Variants in DCC observed in about 807,000 individuals in gnomAD.
DCC encodes DCC netrin 1 receptor.
Under a neutral mutation model 172.5 loss-of-function variants are expected in DCC, and 58 were observed. That is an observed-to-expected ratio of 0.34 (90% CI 0.27 to 0.42). DCC has a LOEUF of 0.42. Among genes scored for constraint, DCC ranks in the 10% least tolerant of loss-of-function variants. DCC has a pLI of 1.00. For missense variants in DCC, 1,740 were observed against 1,791.0 expected (o/e 0.97, Z 0.51); for synonymous variants, 709 against 644.5 (o/e 1.10, Z -1.52).
intron 1 of DCC, among the ~76,000 whole-genome samples, chr18:52,485,167 C>T (rs2030155480): frequency 6.6e-6 from 1 of 151,998 alleles, no homozygotes; most frequent in Non-Finnish European, 1.5e-5. Context: ...TCGAACTGGA[C>T]TGTGTATGGT....
intron 27 of DCC, among the ~76,000 whole-genome samples, chr18:53,501,096 A>C (rs2046092349): frequency 6.6e-6 from 1 of 152,220 alleles, no homozygotes; most frequent in Non-Finnish European, 1.5e-5. Context: ...CCAAGGAAAC[A>C]GACCTTGAAG....
chr18:53,491,237 G>T (rs2045956270), intron 26 of DCC, among the ~76,000 whole-genome samples: 1 of 151,950 alleles, frequency 6.6e-6, no homozygotes, highest in African/African-American at 2.4e-5. Flanking sequence ...GTAGGATTAG[G>T]AAAAAAGAAA....
intron 13 of DCC, among the ~76,000 whole-genome samples, chr18:53,321,677 C>G (rs1244437423): frequency 1.3e-5 from 2 of 152,144 alleles, no homozygotes; most frequent in Non-Finnish European, 2.9e-5. Context: ...ATGATGGAGA[C>G]ATAAATTTTT....
intron 1 of DCC, among the ~76,000 whole-genome samples, chr18:52,673,722 A>G (rs1182149323): frequency 1.3e-5 from 2 of 152,212 alleles, no homozygotes; most frequent in Non-Finnish European, 1.5e-5. Context: ...AGCCATTGCC[A>G]GGTTTAGATC....
chr18:53,370,421 AT>A (rs1438410631), intron 15 of DCC, among the ~76,000 whole-genome samples: 1 of 151,128 alleles, frequency 6.6e-6, no homozygotes, highest in East Asian at 1.9e-4. Context: ...GACATTCTCC[AT>A]TTTCCTATTC....
rs183550169 is a variant in DCC at position 52,680,363 on chromosome 18, A to C, written c.92-71691A>C. 6.6e-5 allele frequency among the ~76,000 whole-genome samples: 10 copies of C among 152,186 alleles called. No individual in the cohort carries two copies. In the East Asian group the frequency reaches 1.9e-3, roughly 30 times the overall value. On this transcript the variant is annotated intron_variant, in intron 1 of 28. Transcript: ENST00000442544. ...ACTTTCCAGGAGAAGAAGGCCAGTG[A>C]TGTTTGCTGGCTCTGCCAGCTAACC...
chr18:53,049,632 C>T (rs1033306455), intron 5 of DCC, among the ~76,000 whole-genome samples: 5 of 151,978 alleles, frequency 3.3e-5, no homozygotes, highest in Admixed American at 2.0e-4. Flanking sequence ...CCTCCAGCTT[C>T]GTTCTTTCTG....
At chr18:53,330,527 C>T (rs1005374306) in intron 14 of DCC, among the ~76,000 whole-genome samples, 1 of 152,128 alleles carries the variant, frequency 6.6e-6, no homozygotes, top group South Asian at 2.1e-4. Context: ...TTTGCTCTCC[C>T]TCCTCTCTAG....
At chr18:53,199,487 C>A (rs1483532494) in intron 9 of DCC, among the ~76,000 whole-genome samples, 1 of 151,928 alleles carries the variant, frequency 6.6e-6, no homozygotes, top group Non-Finnish European at 1.5e-5. Context: ...GTAAATTATA[C>A]TAAAATATAC....
At chr18:52,586,578 A>G (rs2144787845) in intron 1 of DCC, among the ~76,000 whole-genome samples, 1 of 152,262 alleles carries the variant, frequency 6.6e-6, no homozygotes, top group Non-Finnish European at 1.5e-5. Flanking sequence ...CTCTGGAACT[A>G]AGATCTCTAG....
At chr18:53,527,826 G>T (rs535264532) in intron 28 of DCC, among the ~76,000 whole-genome samples, 311 of 152,098 alleles carry the variant, frequency 2.0e-3, no homozygotes, top group Middle Eastern at 6.8e-3. Context: ...TTTAAAAGAA[G>T]CCTAAGGAAT....
At chr18:53,264,412 G>A (rs961515839) in intron 12 of DCC, among the ~76,000 whole-genome samples, 1 of 149,794 alleles carries the variant, frequency 6.7e-6, no homozygotes, top group African/African-American at 2.5e-5. Flanking sequence ...GAAGGTGGAG[G>A]TTGCAGTGAG....
intron 14 of DCC, among the ~76,000 whole-genome samples, chr18:53,322,595 T>C (rs2057425135): frequency 6.6e-6 from 1 of 152,056 alleles, no homozygotes; most frequent in African/African-American, 2.4e-5. Flanking sequence ...TACTTGCTTA[T>C]GATATTATCA....
rs368727969 is a variant in DCC at position 52,877,735 on chromosome 18, G to A, written c.413-28309G>A. Among the ~76,000 whole-genome samples, 270 of 151,770 alleles carry A rather than the reference G, an allele frequency of 1.8e-3. 2 individuals are homozygous for A. In the Middle Eastern group the frequency reaches 0.02, roughly 11 times the overall value. ...AAAAAATTAGTAAAGTTTTGGTAAC[G>A]TGTCTTTCTTTGTCAAATATGATAG... On this transcript the variant is annotated intron_variant, in intron 2 of 28. Transcript: ENST00000442544.
chr18:52,380,117 T>C (rs547713258), intron 1 of DCC, among the ~76,000 whole-genome samples: 3 of 152,108 alleles, frequency 2.0e-5, no homozygotes, highest in Admixed American at 2.0e-4. Flanking sequence ...TAAGCTAGTT[T>C]CCTCCAGCCC....
At chr18:53,467,484 A>T (rs556895015) in intron 24 of DCC, among the ~76,000 whole-genome samples, 2 of 152,246 alleles carry the variant, frequency 1.3e-5, no homozygotes, top group East Asian at 3.9e-4. Context: ...AATTCTAGTA[A>T]ATTAATATAG....
At chr18:52,731,791 T>C (rs937234047) in intron 1 of DCC, among the ~76,000 whole-genome samples, 2 of 152,172 alleles carry the variant, frequency 1.3e-5, no homozygotes, top group Non-Finnish European at 2.9e-5. Context: ...TATATTAATA[T>C]ATAATGCTCT....
intron 1 of DCC, among the ~76,000 whole-genome samples, chr18:52,519,781 C>T (rs773062800): frequency 6.6e-6 from 1 of 152,160 alleles, no homozygotes; most frequent in Non-Finnish European, 1.5e-5. Flanking sequence ...TGGCTAATTG[C>T]CATTGCAATT....
At chr18:52,717,701 G>A (rs1432613007) in intron 1 of DCC, among the ~76,000 whole-genome samples, 2 of 152,046 alleles carry the variant, frequency 1.3e-5, no homozygotes, top group Non-Finnish European at 2.9e-5. Flanking sequence ...ACCCATCTTA[G>A]GGTTTCGCTG....
Sources: gnomAD v4.1 joint callset for allele counts (sites outside exome capture counted in the v4.1 genomes callset) on GRCh38, gnomAD v4.1.1 for gene constraint, MANE v1.5 for transcripts, NCBI Gene and HGNC (gene_info 2026-07-23, HGNC 2026-07-21) for gene names.